The following APPBP2 variants were observed in gnomAD, a reference collection of about 807,000 sequenced individuals.
APPBP2 encodes the protein amyloid beta precursor protein binding protein 2, also known as amyloid protein-binding protein 2.
APPBP2 carries 15 observed loss-of-function variants against 76.0 expected under a neutral mutation model. The observed-to-expected ratio is 0.20, with a 90% confidence interval of 0.13 to 0.30. APPBP2 has a LOEUF of 0.30. Among genes scored for constraint, APPBP2 ranks in the 10% least tolerant of loss-of-function variants. APPBP2 has a pLI of 1.00. For synonymous variants in APPBP2, 222 were observed against 242.2 expected (o/e 0.92, Z 0.77); for missense variants, 401 against 687.2 (o/e 0.58, Z 4.66).
intron 4 of APPBP2, among the ~76,000 whole-genome samples, chr17:60,475,696 C>T (rs987346991): frequency 6.6e-6 from 1 of 151,358 alleles, no homozygotes; most frequent in South Asian, 2.1e-4. Context: ...CACACGCTCC[C>T]CAACCCCACC....
At chr17:60,459,690 T>A (rs1413318085) in intron 9 of APPBP2, 1 of 152,180 alleles carries the variant, frequency 6.6e-6, no homozygotes, top group African/African-American at 2.4e-5. Flanking sequence ...TGGCATTTCA[T>A]CGTCTTGGCC....
At position 60,495,795 on chromosome 17, in the gene APPBP2, A is replaced by T. The variant is rs112824068; in HGVS notation, c.228-1178T>A. ...ATTATACACCCTAGGTATATACTCAAGAGAATTGAGACTATATACACACAA... is the reference window on the plus strand; with the variant it reads ...ATTATACACCCTAGGTATATACTCATGAGAATTGAGACTATATACACACAA... On this transcript the variant is annotated intron_variant, in intron 2 of 12. Coordinates refer to ENST00000083182, the MANE Select transcript of APPBP2 (RefSeq NM_006380.5). Among the ~76,000 whole-genome samples, 378 of 152,322 alleles carry T rather than the reference A, an allele frequency of 2.5e-3. 1 individual carries two copies. The highest frequency in any genetic ancestry group is 8.8e-3 in the African/African-American group (367 of 41,586).
rs1237758963 is a variant in APPBP2, at chr17:60,525,998, G to T, written c.-67C>A. 3.4e-6 allele frequency: 5 copies of T among 1,471,738 alleles called. No homozygotes were observed. Among genetic ancestry groups the T allele is most frequent in the Non-Finnish European group, 3.7e-6 (4 of 1,087,224 alleles). 91.2% of individuals were successfully genotyped at this position (1,471,738 alleles called of 1,614,324 possible). On this transcript the variant is annotated 5_prime_UTR_variant, in exon 1 of 13. Coordinates refer to ENST00000083182, the MANE Select transcript of APPBP2 (RefSeq NM_006380.5). The stretch of plus-strand genomic sequence containing the variant: ...GAAGGCCCCCACCTCCCTCCGTAGC[G>T]AACCCCTCTGCGGCCCCGGAGGATT...
intron 6 of APPBP2, 82 bp from the exon 7 acceptor site, chr17:60,462,143 T>C: frequency 1.9e-6 from 2 of 1,037,028 alleles, no homozygotes; most frequent in Non-Finnish European, 2.9e-6. Context: ...ATTCTGGCTA[T>C]AAGAGTTAAT....
chr17:60,463,037 T>C (rs2143324570), intron 6 of APPBP2, among the ~76,000 whole-genome samples: 1 of 152,126 alleles, frequency 6.6e-6, no homozygotes, highest in South Asian at 2.1e-4. Context: ...ATTATTTCAA[T>C]TAATTAAAAA....
intron 1 of APPBP2, among the ~76,000 whole-genome samples, chr17:60,500,930 T>C (rs1365197578): frequency 1.3e-5 from 2 of 152,166 alleles, no homozygotes; most frequent in South Asian, 2.1e-4. Context: ...ACACCAATAG[T>C]AGAGCATGTC....
intron 3 of APPBP2, among the ~76,000 whole-genome samples, chr17:60,485,268 G>T (rs1447040089): frequency 6.6e-6 from 1 of 152,160 alleles, no homozygotes; most frequent in African/African-American, 2.4e-5. Context: ...AAAAGTTTCA[G>T]AAGGAATGGT....
At chr17:60,491,557 G>A (rs2090729278) in intron 3 of APPBP2, among the ~76,000 whole-genome samples, 1 of 152,062 alleles carries the variant, frequency 6.6e-6, no homozygotes, top group Non-Finnish European at 1.5e-5. Context: ...TGATTCTCCT[G>A]CCTCAGCCTC....
At chr17:60,451,486 T>G (rs1048200246) in intron 12 of APPBP2, among the ~76,000 whole-genome samples, 3 of 152,124 alleles carry the variant, frequency 2.0e-5, no homozygotes, top group Non-Finnish European at 4.4e-5. Context: ...TTTTATTTAT[T>G]TTTTTGAGAT....
At chr17:60,458,565 G>A (rs1395539729) in intron 9 of APPBP2, among the ~76,000 whole-genome samples, 1 of 152,166 alleles carries the variant, frequency 6.6e-6, no homozygotes, top group Non-Finnish European at 1.5e-5. Context: ...TTTAGGTTGT[G>A]TTGTCCACAC....
At chr17:60,477,744 T>C (rs539221983) in intron 4 of APPBP2, among the ~76,000 whole-genome samples, 12 of 133,060 alleles carry the variant, frequency 9.0e-5, no homozygotes, top group Non-Finnish European at 1.4e-4. Flanking sequence ...CTGACATAGA[T>C]AAGCCTTGTA....
intron 4 of APPBP2, among the ~76,000 whole-genome samples, chr17:60,471,957 C>G (rs1334395311): frequency 6.6e-6 from 1 of 152,130 alleles, no homozygotes; most frequent in Non-Finnish European, 1.5e-5. Flanking sequence ...AAAACCTCGT[C>G]TCTACTAAAA....
chr17:60,456,645 C>T (rs867535248), intron 9 of APPBP2, among the ~76,000 whole-genome samples: 13 of 152,256 alleles, frequency 8.5e-5, no homozygotes, highest in Middle Eastern at 3.4e-3. Context: ...CCTGCTACTT[C>T]CCTGACCTCA....
chr17:60,495,841 ACAG>A (rs1355959395), intron 2 of APPBP2, among the ~76,000 whole-genome samples: 5 of 152,184 alleles, frequency 3.3e-5, no homozygotes, highest in Non-Finnish European at 7.4e-5. Context: ...AACCACATTC[ACAG>A]CAGCATTATT....
chr17:60,467,114 T>C (rs944037656), intron 4 of APPBP2, among the ~76,000 whole-genome samples: 2 of 152,206 alleles, frequency 1.3e-5, no homozygotes, highest in African/African-American at 4.8e-5. Flanking sequence ...ATATAGACTG[T>C]ACAAGATAGG....
intron 3 of APPBP2, among the ~76,000 whole-genome samples, chr17:60,491,200 C>T (rs2090726131): frequency 6.6e-6 from 1 of 152,008 alleles, no homozygotes; most frequent in Non-Finnish European, 1.5e-5. Flanking sequence ...CTGAGGTGGT[C>T]TCAGATGGAG....
chr17:60,493,760 C>T (rs1345709852), intron 3 of APPBP2, among the ~76,000 whole-genome samples: 2 of 151,776 alleles, frequency 1.3e-5, no homozygotes, highest in Non-Finnish European at 2.9e-5. Flanking sequence ...ATGCCTCATC[C>T]TCCCAAGTAG....
intron 3 of APPBP2, among the ~76,000 whole-genome samples, chr17:60,488,860 T>C (rs2090702850): frequency 6.6e-6 from 1 of 152,184 alleles, no homozygotes. Flanking sequence ...TTAGTCAAGA[T>C]CACAAGTTTT....
intron 1 of APPBP2, among the ~76,000 whole-genome samples, chr17:60,520,360 G>C (rs756833895): frequency 6.6e-6 from 1 of 152,104 alleles, no homozygotes; most frequent in Non-Finnish European, 1.5e-5. Context: ...ATCACCTGAG[G>C]TAAGGAGTTC....
Sources: allele counts gnomAD v4.1 joint callset (sites outside exome capture counted in the v4.1 genomes callset), GRCh38; gene constraint gnomAD v4.1.1; transcripts MANE v1.5; gene names NCBI Gene and HGNC (gene_info 2026-07-23, HGNC 2026-07-21).